HPCAL1: variants seen among roughly 807,000 people sequenced by gnomAD.
The protein encoded by HPCAL1 is hippocalcin-like protein 1.
Under a neutral mutation model 17.1 loss-of-function variants are expected in HPCAL1, and 8 were observed. The ratio of observed to expected loss-of-function variants is 0.47; its 90% CI spans 0.27 to 0.84. The LOEUF (loss-of-function observed/expected upper bound fraction) is 0.84. Among genes scored for constraint, HPCAL1 ranks in the 40% least tolerant of loss-of-function variants. HPCAL1 has a pLI of 0.13. For missense variants in HPCAL1, 165 were observed against 271.1 expected, an observed-to-expected ratio of 0.61 and a Z score of 2.75; for synonymous variants, 112 against 111.4, an observed-to-expected ratio of 1.01 and a Z score of -0.03.
At position 10,412,859 on chromosome 2, in the gene HPCAL1, T is replaced by C. The variant is rs186412281; in HGVS notation, c.-24-6875T>C. Among the ~76,000 whole-genome samples, 8 of 152,248 alleles carry C rather than the reference T, an allele frequency of 5.3e-5. No individual in the cohort carries two copies. In the East Asian group the frequency reaches 1.4e-3, roughly 26 times the overall value. The stretch of plus-strand genomic sequence containing the variant: ...TCTCCCTGCCCACTTCCCACTGATA[T>C]GTGTTGGGGCTTGTGGATGTGATCA... On this transcript the variant is annotated intron_variant, in intron 2 of 4. Transcript: ENST00000307845.
intron 2 of HPCAL1, among the ~76,000 whole-genome samples, chr2:10,397,160 C>T (rs1451836934): frequency 2.7e-5 from 4 of 150,070 alleles, no homozygotes; most frequent in Admixed American, 6.6e-5. Flanking sequence ...TCTCAGCTCT[C>T]GCCCTAAGCT....
intron 2 of HPCAL1, among the ~76,000 whole-genome samples, chr2:10,398,984 C>T (rs1420896832): frequency 6.6e-6 from 1 of 152,016 alleles, no homozygotes; most frequent in Admixed American, 6.5e-5. Flanking sequence ...GTCCGTGTTA[C>T]CTGGATGTCA....
chr2:10,378,342 G>A (rs1369175571), intron 1 of HPCAL1, among the ~76,000 whole-genome samples: 2 of 145,752 alleles, frequency 1.4e-5, no homozygotes, highest in African/African-American at 5.1e-5. Flanking sequence ...GCAGCTGTTA[G>A]TTTTACTTCC....
At chr2:10,375,294 A>G (rs969035179) in intron 1 of HPCAL1, among the ~76,000 whole-genome samples, 3 of 152,180 alleles carry the variant, frequency 2.0e-5, no homozygotes, top group African/African-American at 7.2e-5. Context: ...TTTTCCACTT[A>G]GCAACACTTT....
intron 1 of HPCAL1, among the ~76,000 whole-genome samples, chr2:10,381,139 CGGTCTG>C (rs1667916430): frequency 6.6e-6 from 1 of 152,164 alleles, no homozygotes; most frequent in Non-Finnish European, 1.5e-5. Flanking sequence ...CCTGATGGCC[CGGTCTG>C]AGGTGTGCAG....
At chr2:10,391,012 G>A (rs1410909320) in intron 1 of HPCAL1, among the ~76,000 whole-genome samples, 1 of 152,198 alleles carries the variant, frequency 6.6e-6, no homozygotes, top group Admixed American at 6.5e-5. Flanking sequence ...GATCTTAAGA[G>A]CTTATGTCTG....
chr2:10,363,774 G>T lies in HPCAL1; in HGVS notation c.-110-33061G>T, dbSNP rs1228963362. On this transcript the variant is annotated intron_variant, in intron 1 of 4. Coordinates refer to ENST00000307845, the MANE Select transcript of HPCAL1 (RefSeq NM_002149.4). The surrounding 1 kb of genome is among the most constrained non-coding windows in gnomAD (Gnocchi z 4.7). ...GAGCCAGGCTTGTTTCGGATCTCCA[G>T]TCCTTGTGTGGGCTGCGTGACCTTG... Among the ~76,000 whole-genome samples the T allele has an allele frequency of 6.6e-6, 1 of 152,256 alleles. No homozygotes were observed. Among genetic ancestry groups the T allele is most frequent in the Non-Finnish European group, 1.5e-5 (1 of 68,048 alleles).
chr2:10,423,946 A>G (rs10929664), intron 4 of HPCAL1: 37,222 of 153,228 alleles, frequency 0.24, 4,946 homozygotes, highest in Non-Finnish European at 0.3. Context: ...CAAAAAAATT[A>G]GCCAGGCGTG....
chr2:10,320,460 G>T (rs973202991), intron 1 of HPCAL1, among the ~76,000 whole-genome samples: 2 of 152,172 alleles, frequency 1.3e-5, no homozygotes, highest in African/African-American at 4.8e-5. Context: ...CAGCCATGTA[G>T]GACGTGCCTG....
intron 3 of HPCAL1, 73 bp from the exon 4 acceptor site, chr2:10,422,910 C>T (rs1558537168): frequency 1.1e-5 from 12 of 1,075,514 alleles, no homozygotes; most frequent in African/African-American, 1.5e-5. Flanking sequence ...GTGGGCTGGG[C>T]GGAAGCCCAC....
chr2:10,336,960 C>G (rs1232496154), intron 1 of HPCAL1, among the ~76,000 whole-genome samples: 1 of 152,086 alleles, frequency 6.6e-6, no homozygotes, highest in Non-Finnish European at 1.5e-5. Context: ...GTTATGTTGC[C>G]CAGGCTGGTC....
intron 2 of HPCAL1, among the ~76,000 whole-genome samples, chr2:10,399,879 C>T (rs1669485841): frequency 6.6e-6 from 1 of 152,170 alleles, no homozygotes; most frequent in South Asian, 2.1e-4. Flanking sequence ...GGAGCACGTA[C>T]CCTGTGTCAG....
At position 10,392,233 on chromosome 2, in the gene HPCAL1, G is replaced by T. The variant is rs139982054; in HGVS notation, c.-110-4602G>T. Among the ~76,000 whole-genome samples, 21 of 151,756 alleles carry T rather than the reference G, an allele frequency of 1.4e-4. No homozygotes were observed. In the East Asian group the frequency reaches 4.1e-3, roughly 29 times the overall value. The stretch of plus-strand genomic sequence containing the variant: ...TGTTTATTTATTTAGTAGCGATGAG[G>T]TCTCACTATGTTGCCCAGGCTGGTC... On this transcript the variant is annotated intron_variant, in intron 1 of 4. Transcript: ENST00000307845.
chr2:10,340,003 G>A (rs1217023385), intron 1 of HPCAL1, among the ~76,000 whole-genome samples: 1 of 152,222 alleles, frequency 6.6e-6, no homozygotes, highest in Non-Finnish European at 1.5e-5. Flanking sequence ...ACATTGGGAT[G>A]AGTTCTTTCA....
rs1666681112 is a variant in HPCAL1 at position 10,363,982 on chromosome 2, G to A, written c.-110-32853G>A. ...GGGCGCTTGGCCGGGTGGTGGGGTGGGACACCCCAGAGGGAAGGGCACTGG... is the reference window on the plus strand; with the variant it reads ...GGGCGCTTGGCCGGGTGGTGGGGTGAGACACCCCAGAGGGAAGGGCACTGG... On this transcript the variant is annotated intron_variant, in intron 1 of 4. Transcript: ENST00000307845. The surrounding 1 kb of genome is among the most constrained non-coding windows in gnomAD (Gnocchi z 4.7). 6.6e-6 allele frequency among the ~76,000 whole-genome samples: 1 copy of A among 152,214 alleles called. No individual in the cohort carries two copies. The highest frequency in any genetic ancestry group is 2.4e-5 in the African/African-American group (1 of 41,462).
At chr2:10,385,573 A>G (rs769478483) in intron 1 of HPCAL1, among the ~76,000 whole-genome samples, 62 of 151,986 alleles carry the variant, frequency 4.1e-4, no homozygotes, top group Non-Finnish European at 7.8e-4. Flanking sequence ...GCAGAATGAG[A>G]AGCTGTAGAG....
Position 10,395,241 on chromosome 2 carries a change from C to A in HPCAL1, c.-110-1594C>A, listed in dbSNP as rs1242157613. Among the ~76,000 whole-genome samples, 1 of 151,946 alleles carries A rather than the reference C, an allele frequency of 6.6e-6. No homozygotes were observed. Among genetic ancestry groups the A allele is most frequent in the Non-Finnish European group, 1.5e-5 (1 of 68,026 alleles). On this transcript the variant is annotated intron_variant, in intron 1 of 4. Coordinates refer to ENST00000307845, the MANE Select transcript of HPCAL1 (RefSeq NM_002149.4). The surrounding 1 kb of genome is among the most constrained non-coding windows in gnomAD (Gnocchi z 4.4). ...GACTTTGTCAGGTCTTGAATTCTAG[C>A]AGTGAGTTTACATTCCATAATTGGC...
chr2:10,330,771 G>T lies in HPCAL1; in HGVS notation c.-111+27594G>T, dbSNP rs758695910. On this transcript the variant is annotated intron_variant, in intron 1 of 4. Transcript: ENST00000307845. The surrounding 1 kb of genome is among the most constrained non-coding windows in gnomAD (Gnocchi z 4.2). Reference sequence around the variant, plus strand: ...GCTTCCACATAGGGGTTTTGTGGGGGACACACTCAGTCCACGTTAACTCAC... The same window carrying T: ...GCTTCCACATAGGGGTTTTGTGGGGTACACACTCAGTCCACGTTAACTCAC... Among the ~76,000 whole-genome samples the T allele has an allele frequency of 2.0e-5, 3 of 152,180 alleles. No homozygotes were observed. Among genetic ancestry groups the T allele is most frequent in the Non-Finnish European group, 4.4e-5 (3 of 68,036 alleles).
intron 2 of HPCAL1, among the ~76,000 whole-genome samples, chr2:10,398,561 C>T (rs757155861): frequency 1.3e-5 from 2 of 152,150 alleles, no homozygotes; most frequent in African/African-American, 2.4e-5. Flanking sequence ...ATGTGAGTCC[C>T]GCAGCCGGTC....
Sources: allele counts gnomAD v4.1 joint callset (sites outside exome capture counted in the v4.1 genomes callset), GRCh38; gene constraint gnomAD v4.1.1; non-coding constraint Gnocchi (gnomAD v3.1); transcripts MANE v1.5; gene names NCBI Gene and HGNC (gene_info 2026-07-23, HGNC 2026-07-21).